ZNF607: variants seen among roughly 807,000 people sequenced by gnomAD.
The protein encoded by ZNF607 is zinc finger protein 607.
A neutral mutation model predicts 12.8 loss-of-function variants in ZNF607; 5 were observed. That is an observed-to-expected ratio of 0.39 (90% CI 0.20 to 0.82). The LOEUF (loss-of-function observed/expected upper bound fraction) is 0.82. Among genes scored for constraint, ZNF607 ranks in the 40% least tolerant of loss-of-function variants. The pLI, the probability that ZNF607 is intolerant of heterozygous loss-of-function variation, is 0.39. For missense variants in ZNF607, 851 were observed against 859.2 expected, an observed-to-expected ratio of 0.99 and a Z score of 0.12; for synonymous variants, 287 against 276.2, an observed-to-expected ratio of 1.04 and a Z score of -0.39.
In ZNF607 at chr19:37,699,314, T is replaced by C. The variant is rs1372683210; in HGVS notation, c.817A>G (p.Ser273Gly). The C allele has an allele frequency of 6.2e-7, 1 of 1,614,032 alleles. No individual in the cohort carries two copies. Among genetic ancestry groups the C allele is most frequent in the Non-Finnish European group, 8.5e-7 (1 of 1,180,014 alleles). Reference sequence around the variant, plus strand: ...TGTGGCTTCTCTCCAGTATGAATACTCTGATGTACTTTAAGGCCTGCTTTG... The same window carrying C: ...TGTGGCTTCTCTCCAGTATGAATACCCTGATGTACTTTAAGGCCTGCTTTG... ...RLKAGLKVHQ[S>G]IHTGEKPHEC... The change falls in exon 5 of 5, where the codon AGT becomes GGT. Residue 273 changes from serine to glycine, a missense_variant. Transcript: ENST00000355202.
Position 37,698,286 on chromosome 19 carries a change from T to G in ZNF607, c.1845A>C (p.Lys615Asn), listed in dbSNP as rs568244106. The G allele has an allele frequency of 1.9e-6, 3 of 1,614,146 alleles. No homozygotes were observed. The East Asian group carries it at 6.7e-5, about 36-fold the overall frequency. ...TCCCACATCTTTTACATTCATAGGG[T>G]TTATCACTGGTATGAATTCTCTCAT... ...IIHERIHTSD[K>N]PYECKRCGKA... Residue 615 changes from lysine (K) to asparagine (N), a missense_variant, in exon 5 of 5, where the codon AAA becomes AAC. Coordinates refer to ENST00000355202, the MANE Select transcript of ZNF607 (RefSeq NM_032689.5).
rs1555735555 is a variant in ZNF607, at chr19:37,714,340, ACAG to A, written c.-74-2651_-74-2649del. 5.1e-3 allele frequency among the ~76,000 whole-genome samples: 751 copies of A among 148,296 alleles called. 7 individuals carry two copies. Among genetic ancestry groups the A allele is most frequent in the African/African-American group, 0.012 (468 of 39,670 alleles). On this transcript the variant is annotated intron_variant, in intron 1 of 4. Transcript: ENST00000355202. ...AACAACAACAACAACAACAACAACA[ACAG>A]CAGCAGCAGCAGCAGCAGCAGCAAC...
chr19:37,696,754 A>G lies in ZNF607; in HGVS notation c.*1286T>C, dbSNP rs1295312812. On this transcript the variant is annotated 3_prime_UTR_variant, in exon 5 of 5. Coordinates refer to ENST00000355202, the MANE Select transcript of ZNF607 (RefSeq NM_032689.5). ...GCTCTGGCCGTCCCCTGCAGTGGCC[A>G]GTGAGTTGGCGATCAGCTCAGCTGC... 4 of 1,276,890 alleles carry G rather than the reference A, an allele frequency of 3.1e-6. No homozygotes were observed. Among genetic ancestry groups the G allele is most frequent in the Non-Finnish European group, 2.3e-6 (2 of 883,336 alleles). 79.1% of individuals were successfully genotyped at this position (1,276,890 alleles called of 1,614,324 possible). A position where few individuals can be genotyped will look rare whatever the true frequency, so the allele number is the denominator to read the frequency against.
chr19:37,702,221 A>G (rs969636864), intron 4 of ZNF607, among the ~76,000 whole-genome samples: 2 of 139,554 alleles, frequency 1.4e-5, no homozygotes, highest in Non-Finnish European at 3.0e-5. Flanking sequence ...TGGGAGGCAG[A>G]GGTTGCAGTG....
At chr19:37,701,014 T>C (rs935201923) in intron 4 of ZNF607, among the ~76,000 whole-genome samples, 1 of 152,128 alleles carries the variant, frequency 6.6e-6, no homozygotes, top group Non-Finnish European at 1.5e-5. Context: ...AAAGTCTAAA[T>C]AGTCAATTGT....
chr19:37,708,844 CA>C (rs745832713), intron 3 of ZNF607, among the ~76,000 whole-genome samples: 79,631 of 111,322 alleles, frequency 0.72, 26,567 homozygotes, highest in Middle Eastern at 0.81. Context: ...GACTCTGTCT[CA>C]AAAAAAAAAA....
chr19:37,702,368 T>C (rs1472821019), intron 4 of ZNF607, among the ~76,000 whole-genome samples: 2 of 151,426 alleles, frequency 1.3e-5, no homozygotes, highest in Non-Finnish European at 2.9e-5. Context: ...TGATTGAAAT[T>C]ATAAACTAAA....
Position 37,719,552 on chromosome 19 carries a change from T to G in ZNF607, c.-358A>C, listed in dbSNP as rs2145257080. On this transcript the variant is annotated 5_prime_UTR_variant, in exon 1 of 5. Coordinates refer to ENST00000355202, the MANE Select transcript of ZNF607 (RefSeq NM_032689.5). Reference sequence around the variant, plus strand: ...AGTGACCTGCGCCGCCTTCTTCAGGTGGAACCAAAAGGTCCCGGAACCGGA... The same window carrying G: ...AGTGACCTGCGCCGCCTTCTTCAGGGGGAACCAAAAGGTCCCGGAACCGGA... 6.6e-6 allele frequency: 1 copy of G among 152,496 alleles called. No homozygotes were observed. The highest frequency in any genetic ancestry group is 1.5e-5 in the Non-Finnish European group (1 of 68,160). 9.4% of individuals were successfully genotyped at this position (152,496 alleles called of 1,614,324 possible). A position where few individuals can be genotyped will look rare whatever the true frequency, so the allele number is the denominator to read the frequency against.
chr19:37,702,287 C>CAAAAAAA (rs10714690), intron 4 of ZNF607, among the ~76,000 whole-genome samples: 150 of 73,486 alleles, frequency 2.0e-3, no homozygotes, highest in Middle Eastern at 9.6e-3. Flanking sequence ...AACTCCATCT[C>CAAAAAAA]AAAAAAAAAA....
At chr19:37,704,837 G>GTCCCAC (rs56771971) in intron 4 of ZNF607, among the ~76,000 whole-genome samples, 1 of 149,788 alleles carries the variant, frequency 6.7e-6, no homozygotes, top group Non-Finnish European at 1.5e-5. Flanking sequence ...GGCGCCTGTA[G>GTCCCAC]CTATTCAAGA....
chr19:37,715,847 T>C (rs756580195), intron 1 of ZNF607, among the ~76,000 whole-genome samples: 5 of 152,214 alleles, frequency 3.3e-5, no homozygotes, highest in Non-Finnish European at 5.9e-5. Context: ...TGAACTATCT[T>C]TGGAAATATT....
rs1430788963 is a variant in ZNF607, at chr19:37,697,839, G to C, written c.*201C>G. 1 of 489,110 alleles carries C rather than the reference G, an allele frequency of 2.0e-6. No homozygotes were observed. The highest frequency in any genetic ancestry group is 3.6e-6 in the Non-Finnish European group (1 of 281,630). 30.3% of individuals were successfully genotyped at this position (489,110 alleles called of 1,614,324 possible). ...AATACATTATAAATTCTCTGAATCT[G>C]AGTTAACACAGGTCATACCAAAGAA... On this transcript the variant is annotated 3_prime_UTR_variant, in exon 5 of 5. Transcript: ENST00000355202.
chr19:37,698,294 T>C lies in ZNF607; in HGVS notation c.1837A>G (p.Ser613Gly), dbSNP rs767680110. The C allele has an allele frequency of 7.4e-6, 12 of 1,613,822 alleles. No individual in the cohort carries two copies. The South Asian group carries it at 1.2e-4, about 16-fold the overall frequency. Reference sequence around the variant, plus strand: ...CTTTTACATTCATAGGGTTTATCACTGGTATGAATTCTCTCATGAATAATA... The same window carrying C: ...CTTTTACATTCATAGGGTTTATCACCGGTATGAATTCTCTCATGAATAATA... The part of the protein sequence containing the change: ...HLIIHERIHT[S>G]DKPYECKRCG... The change falls in exon 5 of 5, where the codon AGT becomes GGT. Residue 613 changes from serine (S) to glycine (G), a missense_variant. Transcript: ENST00000355202.
chr19:37,718,197 T>C (rs1482214405), intron 1 of ZNF607, among the ~76,000 whole-genome samples: 4 of 152,190 alleles, frequency 2.6e-5, no homozygotes, highest in South Asian at 2.1e-4. Context: ...CATAAGGGCA[T>C]TGGTCTACAG....
At chr19:37,713,728 C>T (rs2045150952) in intron 1 of ZNF607, among the ~76,000 whole-genome samples, 1 of 152,024 alleles carries the variant, frequency 6.6e-6, no homozygotes, top group Non-Finnish European at 1.5e-5. Flanking sequence ...TGTGAGCCAC[C>T]ACGCCCGGCC....
At chr19:37,717,994 T>C (rs996318586) in intron 1 of ZNF607, among the ~76,000 whole-genome samples, 1 of 152,124 alleles carries the variant, frequency 6.6e-6, no homozygotes, top group Non-Finnish European at 1.5e-5. Context: ...CTGTATAATT[T>C]TCTTAACCAT....
At chr19:37,709,200 C>A (rs1198790330) in intron 3 of ZNF607, among the ~76,000 whole-genome samples, 1 of 152,204 alleles carries the variant, frequency 6.6e-6, no homozygotes, top group African/African-American at 2.4e-5. Flanking sequence ...GGACTACTTT[C>A]TTCTCAATTT....
intron 4 of ZNF607, 86 bp from the exon 5 acceptor site, chr19:37,699,981 G>A: frequency 8.2e-7 from 1 of 1,213,048 alleles, no homozygotes. Context: ...ACCTATTACA[G>A]ATGCTAACTC....
At position 37,696,582 on chromosome 19, in the gene ZNF607, C is replaced by T; in HGVS notation, c.*1458G>A. On this transcript the variant is annotated 3_prime_UTR_variant, in exon 5 of 5. Coordinates refer to ENST00000355202, the MANE Select transcript of ZNF607 (RefSeq NM_032689.5). ...TGTTACGAATCATCGGGGCTGTGGC[C>T]CAGTTGCCTCACGGAGGTGCAGGTA... is the stretch of plus-strand genomic sequence containing the variant. The T allele has an allele frequency of 1.9e-6, 1 of 539,194 alleles. No homozygotes were observed. The highest frequency in any genetic ancestry group is 2.0e-5 in the South Asian group (1 of 49,776). The allele number at this position is 539,194 out of a possible 1,614,324, so 33.4% of individuals were successfully genotyped here.
Sources: gnomAD v4.1 joint callset for allele counts (sites outside exome capture counted in the v4.1 genomes callset) on GRCh38, gnomAD v4.1.1 for gene constraint, MANE v1.5 for transcripts, NCBI Gene and HGNC (gene_info 2026-07-23, HGNC 2026-07-21) for gene names.